Variants in HIVEP3 observed in about 807,000 individuals in gnomAD.
HIVEP3 encodes the protein transcription factor HIVEP3.
Under a neutral mutation model 152.8 loss-of-function variants are expected in HIVEP3, and 49 were observed. That is an observed-to-expected ratio of 0.32 (90% CI 0.26 to 0.41). The LOEUF is 0.41. Among genes scored for constraint, HIVEP3 ranks in the 10% least tolerant of loss-of-function variants. HIVEP3 has a pLI of 1.00. For synonymous variants in HIVEP3, 1,269 were observed against 1,289.0 expected, an observed-to-expected ratio of 0.98 and a Z score of 0.33; for missense variants, 2,790 against 3,103.3, an observed-to-expected ratio of 0.90 and a Z score of 2.40.
At chr1:41,518,817 G>GT (rs35277923) in intron 6 of HIVEP3, among the ~76,000 whole-genome samples, 7,535 of 134,666 alleles carry the variant, frequency 0.056, 491 homozygotes, top group African/African-American at 0.16. Flanking sequence ...AGTGCAATAG[G>GT]TTTTTTTTTT....
chr1:41,816,834 T>C (rs1166033643), intron 1 of HIVEP3, among the ~76,000 whole-genome samples: 2 of 152,248 alleles, frequency 1.3e-5, no homozygotes, highest in East Asian at 1.9e-4. Flanking sequence ...ACTTGCTTCA[T>C]CTTGCCATGC....
At chr1:41,718,327 C>T (rs530297915) in intron 1 of HIVEP3, among the ~76,000 whole-genome samples, 7 of 152,234 alleles carry the variant, frequency 4.6e-5, no homozygotes, top group Non-Finnish European at 1.0e-4. Flanking sequence ...CTGTACCCTA[C>T]GCTTGCTATG....
chr1:41,961,176 G>A (rs1278759921), intron 1 of HIVEP3, among the ~76,000 whole-genome samples: 1 of 152,188 alleles, frequency 6.6e-6, no homozygotes, highest in African/African-American at 2.4e-5. Flanking sequence ...GCTCAAATGA[G>A]TTCATGCGGG....
At chr1:41,573,594 A>C (rs1398752866) in intron 5 of HIVEP3, among the ~76,000 whole-genome samples, 1 of 152,232 alleles carries the variant, frequency 6.6e-6, no homozygotes, top group African/African-American at 2.4e-5. Flanking sequence ...GAGATTGACA[A>C]AATGGATATA....
At chr1:41,989,598 T>C (rs1163846974) in intron 1 of HIVEP3, among the ~76,000 whole-genome samples, 4 of 152,144 alleles carry the variant, frequency 2.6e-5, no homozygotes, top group African/African-American at 7.2e-5. Context: ...AAGGCAGCCC[T>C]AGCTGCCATT....
chr1:41,737,947 G>T (rs56798542), intron 1 of HIVEP3, among the ~76,000 whole-genome samples: 1 of 152,230 alleles, frequency 6.6e-6, no homozygotes, highest in Non-Finnish European at 1.5e-5. Context: ...TGGGGCCTTT[G>T]CTGTACCTGT....
At chr1:41,909,552 C>A (rs1244431096) in intron 1 of HIVEP3, among the ~76,000 whole-genome samples, 1 of 152,034 alleles carries the variant, frequency 6.6e-6, no homozygotes, top group East Asian at 1.9e-4. Context: ...ATACTTCTCT[C>A]AGTAACTGAT....
intron 1 of HIVEP3, among the ~76,000 whole-genome samples, chr1:41,726,299 G>C (rs1427936716): frequency 6.6e-6 from 1 of 152,154 alleles, no homozygotes; most frequent in Non-Finnish European, 1.5e-5. Flanking sequence ...CTTCCTCAAT[G>C]TCTGGCTGCC....
chr1:42,008,198 C>A (rs1248565684), intron 1 of HIVEP3, among the ~76,000 whole-genome samples: 3 of 152,154 alleles, frequency 2.0e-5, no homozygotes, highest in Non-Finnish European at 4.4e-5. Flanking sequence ...AAAATGTGAT[C>A]CTGTCACATG....
chr1:41,721,579 G>T (rs1241451880), intron 1 of HIVEP3, among the ~76,000 whole-genome samples: 1 of 152,166 alleles, frequency 6.6e-6, no homozygotes. Flanking sequence ...AATCAATAGT[G>T]CTAATAGCAA....
chr1:41,989,661 T>C (rs1344613976), intron 1 of HIVEP3, among the ~76,000 whole-genome samples: 1 of 152,086 alleles, frequency 6.6e-6, no homozygotes, highest in Non-Finnish European at 1.5e-5. Context: ...AAAAAAGCCA[T>C]AGTTTATTTT....
At chr1:41,548,434 T>C (rs1643857000) in intron 5 of HIVEP3, among the ~76,000 whole-genome samples, 1 of 152,254 alleles carries the variant, frequency 6.6e-6, no homozygotes, top group Non-Finnish European at 1.5e-5. Flanking sequence ...TTTGTGTGTC[T>C]GTCTGGGCTC....
rs1461868138 is a variant in HIVEP3 at position 41,581,419 on chromosome 1, G to C, written c.3379C>G (p.Pro1127Ala). The change falls in exon 4 of 9, where the codon CCC becomes GCC. Residue 1127 changes from proline (P) to alanine (A), a missense_variant. Physicochemically the swap from Pro to Ala is conservative, Grantham distance 27. Around this residue, in one of 9 missense-constraint regions of HIVEP3, gnomAD observed 1,078 missense variants for 1,165.3 expected, o/e 0.93. Coordinates refer to ENST00000372583, the MANE Select transcript of HIVEP3 (RefSeq NM_024503.5). The surrounding 1 kb of genome is among the most constrained non-coding windows in gnomAD (Gnocchi z 4.5). ...YTEALQVFHH[P>A]VAQTPLHEKP... is the part of the protein sequence containing the mutation. ...TCATGCAGGGGTGTCTGGGCAACGG[G>C]GTGGTGGAACACTTGCAGTGCTTCT... The C allele has an allele frequency of 1.3e-6, 2 of 1,599,064 alleles. No individual in the cohort carries two copies. The highest frequency in any genetic ancestry group is 1.7e-6 in the Non-Finnish European group (2 of 1,172,924).
chr1:41,835,808 A>G (rs1245305888), intron 1 of HIVEP3, among the ~76,000 whole-genome samples: 4 of 152,232 alleles, frequency 2.6e-5, no homozygotes, highest in African/African-American at 9.6e-5. Flanking sequence ...TGAACAGTGG[A>G]CAAATGCAGT....
At chr1:41,741,157 G>A (rs958273313) in intron 1 of HIVEP3, among the ~76,000 whole-genome samples, 22 of 152,226 alleles carry the variant, frequency 1.4e-4, no homozygotes, top group African/African-American at 5.1e-4. Context: ...CTAGAGCAGG[G>A]AGGAACTGCA....
At chr1:41,927,078 T>C (rs1644972151) in intron 1 of HIVEP3, among the ~76,000 whole-genome samples, 1 of 152,060 alleles carries the variant, frequency 6.6e-6, no homozygotes, top group African/African-American at 2.4e-5. Flanking sequence ...ACCAGGAGAG[T>C]CTGATGTTGG....
rs1408177172 is a variant in HIVEP3, at chr1:41,662,110, G to C, written c.-720-33163C>G. 6.6e-6 allele frequency: 1 copy of C among 151,276 alleles called. No individual in the cohort carries two copies. Among genetic ancestry groups the C allele is most frequent in the Non-Finnish European group, 1.5e-5 (1 of 68,068 alleles). 9.4% of individuals were successfully genotyped at this position (151,276 alleles called of 1,614,324 possible). Reference sequence around the variant, plus strand: ...GCTGCCAGGCCGCGGCGGGGGCGCGGCGCGCGGGGCGCTCGTTGCTTACCT... The same window carrying C: ...GCTGCCAGGCCGCGGCGGGGGCGCGCCGCGCGGGGCGCTCGTTGCTTACCT... On this transcript the variant is annotated intron_variant, in intron 2 of 8. Coordinates refer to ENST00000372583, the MANE Select transcript of HIVEP3 (RefSeq NM_024503.5). The surrounding 1 kb of genome is among the most constrained non-coding windows in gnomAD (Gnocchi z 7.2).
At chr1:41,733,225 G>A (rs1455502758) in intron 1 of HIVEP3, among the ~76,000 whole-genome samples, 1 of 152,168 alleles carries the variant, frequency 6.6e-6, no homozygotes, top group Non-Finnish European at 1.5e-5. Flanking sequence ...GTGACAGAGT[G>A]GAGGGGGTGG....
intron 1 of HIVEP3, among the ~76,000 whole-genome samples, chr1:41,841,198 T>C (rs889466258): frequency 2.0e-5 from 3 of 152,118 alleles, no homozygotes; most frequent in Admixed American, 2.0e-4. Flanking sequence ...CACACACACC[T>C]GTCTTCAAGA....
Sources: allele counts gnomAD v4.1 joint callset (sites outside exome capture counted in the v4.1 genomes callset), GRCh38; gene constraint gnomAD v4.1.1; regional missense constraint gnomAD v4.1.1; non-coding constraint Gnocchi (gnomAD v3.1); transcripts MANE v1.5; gene names NCBI Gene and HGNC (gene_info 2026-07-23, HGNC 2026-07-21).